The following PCDH15 variants were observed in gnomAD, a reference collection of about 807,000 sequenced individuals.
PCDH15 encodes protocadherin-15.
Under a neutral mutation model 178.5 loss-of-function variants are expected in PCDH15, and 129 were observed. The ratio of observed to expected loss-of-function variants is 0.72; its 90% CI spans 0.63 to 0.84. PCDH15 has a LOEUF of 0.84. PCDH15 is among the 40% of genes least tolerant of loss of function. The probability of loss-of-function intolerance (pLI) is 0.00; values close to 1 mark genes in which losing one functional copy is unlikely to be tolerated. For synonymous variants in PCDH15, 800 were observed against 732.0 expected, an observed-to-expected ratio of 1.09 and a Z score of -1.50; for missense variants, 2,230 against 2,099.9, an observed-to-expected ratio of 1.06 and a Z score of -1.21.
chr10:53,891,936 T>A (rs1474790101), intron 26 of PCDH15, among the ~76,000 whole-genome samples: 1 of 147,758 alleles, frequency 6.8e-6, no homozygotes, highest in Admixed American at 6.7e-5. Flanking sequence ...GCCAATGCAC[T>A]CCACCCTGGG....
At chr10:53,891,139 C>T (rs992242237) in intron 26 of PCDH15, among the ~76,000 whole-genome samples, 6 of 88,756 alleles carry the variant, frequency 6.8e-5, no homozygotes, top group South Asian at 5.8e-4. Context: ...CAGGTCAGTA[C>T]AGCACAAAGT....
intron 3 of PCDH15, among the ~76,000 whole-genome samples, chr10:54,852,854 A>T (rs1382252265): frequency 6.7e-6 from 1 of 149,642 alleles, no homozygotes; most frequent in Non-Finnish European, 1.5e-5. Flanking sequence ...CTCTGTCTCA[A>T]AAAAATAAAA....
intron 2 of PCDH15, among the ~76,000 whole-genome samples, chr10:55,536,486 A>C (rs1481633889): frequency 6.6e-6 from 1 of 152,144 alleles, no homozygotes; most frequent in Non-Finnish European, 1.5e-5. Flanking sequence ...TGAATATTAA[A>C]ATATGCAAAT....
At chr10:54,594,359 G>A (rs1039197300) in intron 2 of PCDH15, among the ~76,000 whole-genome samples, 10 of 152,112 alleles carry the variant, frequency 6.6e-5, no homozygotes, top group African/African-American at 2.2e-4. Context: ...AGGGGTGAAC[G>A]TAGACTCTGT....
chr10:54,566,003 G>A (rs959140388), intron 2 of PCDH15, among the ~76,000 whole-genome samples: 1 of 152,156 alleles, frequency 6.6e-6, no homozygotes, highest in Non-Finnish European at 1.5e-5. Context: ...AGAATCGTTT[G>A]AAACTGGGAA....
intron 18 of PCDH15, among the ~76,000 whole-genome samples, chr10:54,063,494 A>G (rs2094073429): frequency 1.3e-5 from 2 of 152,032 alleles, no homozygotes; most frequent in Non-Finnish European, 1.5e-5. Context: ...TGTCCTATGC[A>G]TGTCCCTCAG....
intron 16 of PCDH15, 103 bp from the exon 17 acceptor site, chr10:54,079,527 C>T (rs2094402905): frequency 2.9e-6 from 3 of 1,024,628 alleles, no homozygotes; most frequent in South Asian, 1.3e-5. Context: ...TTTTTCCCCT[C>T]TCAGTAATCA....
chr10:54,535,462 G>C (rs915717540), intron 2 of PCDH15, among the ~76,000 whole-genome samples: 4 of 152,050 alleles, frequency 2.6e-5, no homozygotes, highest in African/African-American at 9.7e-5. Flanking sequence ...TGTAATCCCA[G>C]CACTTTGGGA....
intron 13 of PCDH15, among the ~76,000 whole-genome samples, chr10:54,161,887 T>A (rs558816103): frequency 6.6e-6 from 1 of 152,236 alleles, no homozygotes; most frequent in African/African-American, 2.4e-5. Flanking sequence ...TATCTCCCAT[T>A]CTCCTCAGCT....
chr10:54,683,816 C>A (rs2094942804), intron 1 of PCDH15, among the ~76,000 whole-genome samples: 1 of 152,092 alleles, frequency 6.6e-6, no homozygotes, highest in Non-Finnish European at 1.5e-5. Flanking sequence ...GACTCTGCCT[C>A]TTACATGCTA....
intron 1 of PCDH15, among the ~76,000 whole-genome samples, chr10:55,285,985 G>T (rs1177827100): frequency 6.6e-6 from 1 of 151,772 alleles, no homozygotes; most frequent in Admixed American, 6.6e-5. Flanking sequence ...CATTTCTTTT[G>T]ATTTTCGTGC....
At chr10:55,158,165 C>T (rs140706366) in intron 2 of PCDH15, among the ~76,000 whole-genome samples, 7 of 151,574 alleles carry the variant, frequency 4.6e-5, no homozygotes, top group African/African-American at 1.2e-4. Context: ...TATACTCACA[C>T]ACACACGCAC....
intron 18 of PCDH15, among the ~76,000 whole-genome samples, chr10:54,062,456 G>A (rs2135762516): frequency 6.6e-6 from 1 of 151,950 alleles, no homozygotes; most frequent in South Asian, 2.1e-4. Context: ...GAGTAATTTA[G>A]TGAAATTAAT....
chr10:54,651,379 A>C (rs1409908138), intron 2 of PCDH15, among the ~76,000 whole-genome samples: 1 of 152,172 alleles, frequency 6.6e-6, no homozygotes, highest in African/African-American at 2.4e-5. Context: ...AATCCAGTAG[A>C]TAGTGGAAGA....
chr10:54,981,743 T>G (rs1839236366), intron 2 of PCDH15, among the ~76,000 whole-genome samples: 2 of 152,104 alleles, frequency 1.3e-5, no homozygotes, highest in African/African-American at 4.8e-5. Context: ...TTTGTTTACA[T>G]GTTTACTTAT....
intron 21 of PCDH15, among the ~76,000 whole-genome samples, chr10:53,980,506 G>A (rs1379792461): frequency 1.3e-5 from 2 of 152,226 alleles, no homozygotes; most frequent in South Asian, 2.1e-4. Context: ...AAAGTTTACA[G>A]TTGATGAGGA....
At chr10:55,364,462 G>A (rs1381962010) in intron 2 of PCDH15, among the ~76,000 whole-genome samples, 7 of 152,012 alleles carry the variant, frequency 4.6e-5, no homozygotes, top group African/African-American at 7.2e-5. Flanking sequence ...TTGTTCTTTC[G>A]TATATAATGT....
At chr10:54,425,673 C>T (rs1287890295) in intron 3 of PCDH15, among the ~76,000 whole-genome samples, 1 of 152,066 alleles carries the variant, frequency 6.6e-6, no homozygotes, top group East Asian at 1.9e-4. Context: ...ATAAGGTTTT[C>T]AGCATATAGA....
intron 23 of PCDH15, among the ~76,000 whole-genome samples, chr10:53,955,286 C>T (rs1343773500): frequency 6.6e-6 from 1 of 152,056 alleles, no homozygotes; most frequent in Non-Finnish European, 1.5e-5. Flanking sequence ...TGTCCCAGGT[C>T]CCTGAACTTT....
Sources: gnomAD v4.1 joint callset for allele counts (sites outside exome capture counted in the v4.1 genomes callset) on GRCh38, gnomAD v4.1.1 for gene constraint, MANE v1.5 for transcripts, NCBI Gene and HGNC (gene_info 2026-07-23, HGNC 2026-07-21) for gene names.